Variants in NECAB1 observed in about 807,000 individuals in gnomAD.
NECAB1 encodes the protein N-terminal EF-hand calcium binding protein 1, also known as N-terminal EF-hand calcium-binding protein 1.
In NECAB1, 29 loss-of-function variants were observed where a neutral mutation model predicts 57.5. That is an observed-to-expected ratio of 0.50 (90% CI 0.38 to 0.69). The LOEUF is 0.69. Among genes scored for constraint, NECAB1 ranks in the 30% least tolerant of loss-of-function variants. NECAB1 has a pLI of 0.00. For synonymous variants in NECAB1, 142 were observed against 147.7 expected (o/e 0.96, Z 0.28); for missense variants, 372 against 413.8 (o/e 0.90, Z 0.88).
chr8:90,954,056 G>A (rs1197789122), intron 12 of NECAB1, among the ~76,000 whole-genome samples: 3 of 148,840 alleles, frequency 2.0e-5, no homozygotes, highest in Non-Finnish European at 4.4e-5. Flanking sequence ...GTGACAGAAC[G>A]AGACTGTCTC....
At chr8:90,885,068 A>G (rs1388179916) in intron 5 of NECAB1, among the ~76,000 whole-genome samples, 6 of 152,222 alleles carry the variant, frequency 3.9e-5, no homozygotes, top group African/African-American at 1.4e-4. Context: ...CTAACTGGGT[A>G]AGGAGGAGAT....
At chr8:90,805,359 T>C (rs371781350) in intron 2 of NECAB1, among the ~76,000 whole-genome samples, 6 of 152,056 alleles carry the variant, frequency 3.9e-5, no homozygotes, top group African/African-American at 1.4e-4. Flanking sequence ...GGCAGTATAA[T>C]TGTTCGCCTG....
chr8:90,868,202 T>C (rs983553734), intron 3 of NECAB1, among the ~76,000 whole-genome samples: 7 of 152,160 alleles, frequency 4.6e-5, no homozygotes, highest in African/African-American at 1.4e-4. Context: ...AAACCTTGAG[T>C]CAATTAAATC....
chr8:90,839,265 T>A (rs891666876), intron 3 of NECAB1, among the ~76,000 whole-genome samples: 1 of 152,264 alleles, frequency 6.6e-6, no homozygotes, highest in East Asian at 1.9e-4. Flanking sequence ...TCCAGGAGAT[T>A]AGGGAGAGAG....
chr8:90,906,891 A>ATATATGTATATATATGTATATATATATG (rs1809680087), intron 5 of NECAB1, among the ~76,000 whole-genome samples: 3 of 113,414 alleles, frequency 2.6e-5, no homozygotes, highest in African/African-American at 4.0e-5. Context: ...ATATATATAT[A>ATATATGTATATATATGTATATATATATG]TATATATATA....
intron 2 of NECAB1, among the ~76,000 whole-genome samples, chr8:90,821,678 T>A (rs1812146891): frequency 6.6e-6 from 1 of 151,812 alleles, no homozygotes; most frequent in Admixed American, 6.6e-5. Flanking sequence ...ACTTTTTTTT[T>A]TCTTTTTTCA....
intron 8 of NECAB1, among the ~76,000 whole-genome samples, chr8:90,929,110 G>C (rs1027593842): frequency 1.3e-5 from 2 of 152,176 alleles, no homozygotes; most frequent in African/African-American, 4.8e-5. Context: ...AGAGATAACA[G>C]ACTTTTTAAA....
At chr8:90,933,943 A>G (rs1810470465) in intron 8 of NECAB1, among the ~76,000 whole-genome samples, 1 of 152,178 alleles carries the variant, frequency 6.6e-6, no homozygotes, top group Non-Finnish European at 1.5e-5. Context: ...TCATAGCAAA[A>G]TAAAGCAGAC....
intron 3 of NECAB1, among the ~76,000 whole-genome samples, chr8:90,848,452 T>C (rs1316000966): frequency 6.6e-6 from 1 of 152,188 alleles, no homozygotes; most frequent in African/African-American, 2.4e-5. Flanking sequence ...CATTTTTGGG[T>C]ATCTTTACAG....
chr8:90,935,717 T>G (rs936566848), intron 9 of NECAB1, among the ~76,000 whole-genome samples: 1 of 152,186 alleles, frequency 6.6e-6, no homozygotes, highest in African/African-American at 2.4e-5. Context: ...TGAGATTATT[T>G]TTTCTCTCTA....
intron 9 of NECAB1, chr8:90,940,371 C>CT (rs1810640677): frequency 6.3e-6 from 1 of 158,638 alleles, no homozygotes; most frequent in Non-Finnish European, 1.4e-5. Context: ...AACAATAGGA[C>CT]TTCTCTTTAA....
intron 3 of NECAB1, among the ~76,000 whole-genome samples, chr8:90,838,724 C>T (rs1242639157): frequency 6.6e-6 from 1 of 152,174 alleles, no homozygotes; most frequent in Non-Finnish European, 1.5e-5. Context: ...CAATTTTTTC[C>T]CTTGTCTATG....
At chr8:90,859,647 T>C (rs942057975) in intron 3 of NECAB1, among the ~76,000 whole-genome samples, 28 of 152,100 alleles carry the variant, frequency 1.8e-4, no homozygotes, top group African/African-American at 5.3e-4. Flanking sequence ...ACAAAGGAAC[T>C]CAGGTAAGAC....
At chr8:90,896,466 G>A (rs113220443) in intron 5 of NECAB1, among the ~76,000 whole-genome samples, 1 of 151,996 alleles carries the variant, frequency 6.6e-6, no homozygotes, top group Non-Finnish European at 1.5e-5. Flanking sequence ...TTAGCCGGGC[G>A]TGGTGGCGGG....
At chr8:90,934,673 T>C (rs1164056428) in intron 9 of NECAB1, among the ~76,000 whole-genome samples, 1 of 152,170 alleles carries the variant, frequency 6.6e-6, no homozygotes, top group Non-Finnish European at 1.5e-5. Flanking sequence ...TCATAAACAT[T>C]TTGTAAATCC....
chr8:90,879,847 A>T (rs1808805550), intron 4 of NECAB1, among the ~76,000 whole-genome samples: 1 of 152,224 alleles, frequency 6.6e-6, no homozygotes, highest in Non-Finnish European at 1.5e-5. Context: ...AAGAATCTTT[A>T]TAAGAGATAG....
intron 5 of NECAB1, among the ~76,000 whole-genome samples, chr8:90,882,413 A>G (rs1235429934): frequency 6.6e-6 from 1 of 152,014 alleles, no homozygotes; most frequent in African/African-American, 2.4e-5. Context: ...AAATTCCAAA[A>G]AGAGAGAGAG....
chr8:90,807,770 C>G (rs1811876993), intron 2 of NECAB1, among the ~76,000 whole-genome samples: 1 of 152,150 alleles, frequency 6.6e-6, no homozygotes. Context: ...TCACATAGCT[C>G]TGTACTCATA....
At chr8:90,917,695 G>C in intron 6 of NECAB1, 67 bp downstream of exon 6, 1 of 1,452,274 alleles carries the variant, frequency 6.9e-7, no homozygotes, top group Non-Finnish European at 9.2e-7. Context: ...CAATTGAGAG[G>C]CATTGTACTT....
Sources: allele counts gnomAD v4.1 joint callset (sites outside exome capture counted in the v4.1 genomes callset), GRCh38; gene constraint gnomAD v4.1.1; transcripts MANE v1.5; gene names NCBI Gene and HGNC (gene_info 2026-07-23, HGNC 2026-07-21).